SUPT5H: variants seen among roughly 807,000 people sequenced by gnomAD.
The protein encoded by SUPT5H is transcription elongation factor SPT5.
SUPT5H carries 24 observed loss-of-function variants against 142.5 expected under a neutral mutation model. The ratio of observed to expected loss-of-function variants is 0.17; its 90% confidence interval spans 0.12 to 0.24. SUPT5H has a LOEUF of 0.24. SUPT5H is among the 10% of genes least tolerant of loss of function. The pLI, the probability that SUPT5H is intolerant of heterozygous loss-of-function variation, is 1.00. For synonymous variants in SUPT5H, 546 were observed against 553.0 expected, an observed-to-expected ratio of 0.99 and a Z score of 0.18; for missense variants, 893 against 1,471.8, an observed-to-expected ratio of 0.61 and a Z score of 6.43.
chr19:39,469,375 A>G lies in SUPT5H; in HGVS notation c.1351A>G (p.Met451Val). The stretch of plus-strand genomic sequence containing the variant: ...CGTGGATGGCAACAAGATCACCATC[A>G]TGCCCAAGCATGAGGACCTCAAGGT... The part of the protein sequence containing the change: ...LSVDGNKITI[M>V]PKHEDLKDML... Residue 451 changes from methionine (M) to valine (V), a missense_variant, in exon 16 of 30, where the codon ATG becomes GTG. Coordinates refer to ENST00000432763, the MANE Select transcript of SUPT5H (RefSeq NM_001111020.3). This position sits in a 1 kb window ranked among gnomAD's most constrained non-coding sequence, Gnocchi z 5.1. 1.2e-6 allele frequency: 2 copies of G among 1,614,252 alleles called. No individual in the cohort carries two copies. The highest frequency in any genetic ancestry group is 1.7e-6 in the Non-Finnish European group (2 of 1,180,042).
intron 13 of SUPT5H, 66 bp from the exon 14 acceptor site, chr19:39,468,690 C>T: frequency 6.9e-7 from 1 of 1,441,914 alleles, no homozygotes. Flanking sequence ...GCTGAGAAGA[C>T]TGAGGTACAG....
intron 3 of SUPT5H, among the ~76,000 whole-genome samples, chr19:39,455,034 A>C (rs2079069631): frequency 6.6e-6 from 1 of 152,220 alleles, no homozygotes; most frequent in African/African-American, 2.4e-5. Flanking sequence ...GTTCCTCTTT[A>C]GAATTTACTT....
Position 39,472,706 on chromosome 19 carries a change from T to C in SUPT5H, c.2036-104T>C. 1 of 1,492,100 alleles carries C rather than the reference T, an allele frequency of 6.7e-7. No homozygotes were observed. The highest frequency in any genetic ancestry group is 9.0e-7 in the Non-Finnish European group (1 of 1,116,482). The allele number at this position is 1,492,100 out of a possible 1,614,324, so 92.4% of individuals were successfully genotyped here. On this transcript the variant is annotated intron_variant, in intron 21 of 29. Coordinates refer to ENST00000432763, the MANE Select transcript of SUPT5H (RefSeq NM_001111020.3). This position sits in a 1 kb window ranked among gnomAD's most constrained non-coding sequence, Gnocchi z 4.2. ...GGCAGGGGTGGGCAGAGGAGGCTCT[T>C]AACCCAAGTAGGGAGGAGTCAAGCA... is the stretch of plus-strand genomic sequence containing the variant.
At position 39,473,256 on chromosome 19, in the gene SUPT5H, ATGGCTCCCAGACGCCCATGTATGGCTC is replaced by A. The variant is rs777260272; in HGVS notation, c.2321_2347del (p.Gln774_Ser782del). 1 of 1,613,656 alleles carries A rather than the reference ATGGCTCCCAGACGCCCATGTATGGCTC, an allele frequency of 6.2e-7. No individual in the cohort carries two copies. Among genetic ancestry groups the A allele is most frequent in the East Asian group, 2.2e-5 (1 of 44,844 alleles). On this transcript the variant is annotated inframe_deletion, in exon 24 of 30. Transcript: ENST00000432763. This position sits in a 1 kb window ranked among gnomAD's most constrained non-coding sequence, Gnocchi z 5.8. ...TCGACCTATGGGAGGACGCCCATGT[ATGGCTCCCAGACGCCCATGTATGGCTC>A]TGGCTCCCGAACACCCATGTACGGC...
chr19:39,463,006 A>AT (rs34217986), intron 10 of SUPT5H, among the ~76,000 whole-genome samples: 21,446 of 102,946 alleles, frequency 0.21, 2,598 homozygotes, highest in Middle Eastern at 0.24. Flanking sequence ...TGCCCAGCTA[A>AT]TTTTTTTTTT....
intron 10 of SUPT5H, among the ~76,000 whole-genome samples, chr19:39,461,337 T>C (rs1201981970): frequency 1.3e-5 from 2 of 151,870 alleles, no homozygotes; most frequent in African/African-American, 4.8e-5. Flanking sequence ...TAGTAATAAG[T>C]GTCCCTGCCT....
chr19:39,445,871 T>G lies in SUPT5H; in HGVS notation c.-20T>G, dbSNP rs762341241. The G allele has an allele frequency of 6.2e-7, 1 of 1,612,466 alleles. No individual in the cohort carries two copies. Among genetic ancestry groups the G allele is most frequent in the African/African-American group, 1.3e-5 (1 of 74,930 alleles). On this transcript the variant is annotated 5_prime_UTR_variant, in exon 2 of 30. Transcript: ENST00000432763. ...TGTGGGACGCGCCAAGGCTGCTGTC[T>G]TTCCCAGCAGCAGCGGAAGATGTCG...
rs777962396 is a variant in SUPT5H at position 39,472,938 on chromosome 19, C to T, written c.2155+9C>T. 7 of 1,612,328 alleles carry T rather than the reference C, an allele frequency of 4.3e-6. No homozygotes were observed. Among genetic ancestry groups the T allele is most frequent in the South Asian group, 3.3e-5 (3 of 90,944 alleles). On this transcript the variant is annotated intron_variant, in intron 22 of 29. Transcript: ENST00000432763. The surrounding 1 kb of genome is among the most constrained non-coding windows in gnomAD (Gnocchi z 4.2). ...CCAGGGGCCCTACAAAGGTGACCTG[C>T]GAGGCCTGTGGAGGCCTGGGGAGGG... is the stretch of plus-strand genomic sequence containing the variant.
intron 3 of SUPT5H, among the ~76,000 whole-genome samples, chr19:39,454,595 C>T (rs550789167): frequency 1.3e-5 from 2 of 152,244 alleles, no homozygotes; most frequent in South Asian, 4.1e-4. Flanking sequence ...CCGCCCTGGC[C>T]TCCCAAAGTG....
At position 39,453,386 on chromosome 19, in the gene SUPT5H, A is replaced by G. The variant is rs1037358573; in HGVS notation, c.106A>G (p.Ser36Gly). ...CGAAGAGCGGCGGAGTGCAGCGGGC[A>G]GTGAGAAAGAAGAAGAGCCTGAGGA... ...VDEERRSAAGSEKEEEPEDEE... is the reference protein window; with the variant it reads ...VDEERRSAAGGEKEEEPEDEE... The change falls in exon 3 of 30, where the codon AGT becomes GGT. Residue 36 changes from serine to glycine, a missense_variant. Coordinates refer to ENST00000432763, the MANE Select transcript of SUPT5H (RefSeq NM_001111020.3). 6.2e-7 allele frequency: 1 copy of G among 1,604,050 alleles called. No individual in the cohort carries two copies. The highest frequency in any genetic ancestry group is 2.2e-5 in the East Asian group (1 of 44,536).
intron 13 of SUPT5H, chr19:39,467,959 C>A (rs562855366): frequency 6.6e-6 from 1 of 152,286 alleles, no homozygotes; most frequent in Non-Finnish European, 1.5e-5. Flanking sequence ...TCCCTTACCC[C>A]CCAGCAAGCC....
At position 39,459,051 on chromosome 19, in the gene SUPT5H, G is replaced by T; in HGVS notation, c.436G>T (p.Ala146Ser). The T allele has an allele frequency of 6.2e-7, 1 of 1,614,000 alleles. No individual in the cohort carries two copies. Among genetic ancestry groups the T allele is most frequent in the Non-Finnish European group, 8.5e-7 (1 of 1,180,000 alleles). ...ELGEYYMKKY[A>S]KSSVGETVYG... ...GGGCGAGTATTACATGAAGAAATAC[G>T]CCAAGTCATCTGTGGGAGAGACGTA... is the stretch of plus-strand genomic sequence containing the variant. The change falls in exon 7 of 30, where the codon GCC (alanine) becomes TCC (serine). Residue 146 changes from alanine (A) to serine (S), a missense_variant. Ala to Ser is a moderately conservative substitution (Grantham distance 99). Coordinates refer to ENST00000432763, the MANE Select transcript of SUPT5H (RefSeq NM_001111020.3).
Position 39,458,434 on chromosome 19 carries a change from T to C in SUPT5H, c.319+129T>C, listed in dbSNP as rs1872985312. The C allele has an allele frequency of 1.3e-6, 2 of 1,502,048 alleles. No homozygotes were observed. The highest frequency in any genetic ancestry group is 2.0e-5 in the Admixed American group (1 of 50,372). The allele number at this position is 1,502,048 out of a possible 1,614,324, so 93.0% of individuals were successfully genotyped here. On this transcript the variant is annotated intron_variant, in intron 5 of 29. Transcript: ENST00000432763. The surrounding 1 kb of genome is among the most constrained non-coding windows in gnomAD (Gnocchi z 4.2). Reference sequence around the variant, plus strand: ...GTCTGGCCCTGAGGGCTCTGACCCATGTAGGATCCAGAGTCAGGGAGTTCT... The same window carrying C: ...GTCTGGCCCTGAGGGCTCTGACCCACGTAGGATCCAGAGTCAGGGAGTTCT...
At chr19:39,475,295 G>A (rs538581081) in intron 28 of SUPT5H, 1 of 152,518 alleles carries the variant, frequency 6.6e-6, no homozygotes, top group East Asian at 1.9e-4. Flanking sequence ...TACTTGGGAG[G>A]CTGAGGCAGG....
Position 39,470,631 on chromosome 19 carries a change from A to G in SUPT5H, c.1677+108A>G. The G allele has an allele frequency of 1.4e-5, 18 of 1,290,858 alleles. No individual in the cohort carries two copies. Among genetic ancestry groups the G allele is most frequent in the Non-Finnish European group, 1.9e-5 (18 of 963,780 alleles). 80.0% of individuals were successfully genotyped at this position (1,290,858 alleles called of 1,614,324 possible). ...GCCCCCAGACTGCTCTGGGTTGCAG[A>G]TCTGGCTCTGTCACTTACATCTGAA... On this transcript the variant is annotated intron_variant, in intron 18 of 29. Transcript: ENST00000432763. This position sits in a 1 kb window ranked among gnomAD's most constrained non-coding sequence, Gnocchi z 5.8.
chr19:39,473,128 C>T lies in SUPT5H; in HGVS notation c.2258+14C>T, dbSNP rs770324584. The T allele has an allele frequency of 3.1e-6, 5 of 1,612,436 alleles. No individual in the cohort carries two copies. The East Asian group carries it at 8.9e-5, about 29-fold the overall frequency. ...GCTCACCACGGTGTACGGGCGGGGCCTGGGGAGGGCCAGGGTGGGGCTTGC... is the reference window on the plus strand; with the variant it reads ...GCTCACCACGGTGTACGGGCGGGGCTTGGGGAGGGCCAGGGTGGGGCTTGC... On this transcript the variant is annotated intron_variant, in intron 23 of 29. Transcript: ENST00000432763. This position sits in a 1 kb window ranked among gnomAD's most constrained non-coding sequence, Gnocchi z 5.8.
rs767037692 is a variant in SUPT5H, at chr19:39,458,267, A to T, written c.308-27A>T. The stretch of plus-strand genomic sequence containing the variant: ...CACCACCACCACCACCACCACCACC[A>T]CCACCACCTCCTCTTCCTCCAAGTA... On this transcript the variant is annotated intron_variant, in intron 4 of 29. Transcript: ENST00000432763. The surrounding 1 kb of genome is among the most constrained non-coding windows in gnomAD (Gnocchi z 4.2). The T allele has an allele frequency of 5.1e-6, 4 of 790,422 alleles. No homozygotes were observed. The highest frequency in any genetic ancestry group is 4.4e-5 in the Admixed American group (2 of 45,938). 49.0% of individuals were successfully genotyped at this position (790,422 alleles called of 1,614,324 possible). A position where few individuals can be genotyped will look rare whatever the true frequency, so the allele number is the denominator to read the frequency against.
At chr19:39,468,626 G>T in intron 13 of SUPT5H, 130 bp from the exon 14 acceptor site, 1 of 732,098 alleles carries the variant, frequency 1.4e-6, no homozygotes, top group South Asian at 1.7e-5. Context: ...CCAAGAGGGT[G>T]TGTGCTGGGA....
chr19:39,472,735 G>A lies in SUPT5H; in HGVS notation c.2036-75G>A. 3 of 1,539,394 alleles carry A rather than the reference G, an allele frequency of 1.9e-6. No homozygotes were observed. The highest frequency in any genetic ancestry group is 2.6e-6 in the Non-Finnish European group (3 of 1,140,552). ...CCAAGTAGGGAGGAGTCAAGCAAGTGAAGGGGACGTTCTGATGGTGCCCTT... is the reference window on the plus strand; with the variant it reads ...CCAAGTAGGGAGGAGTCAAGCAAGTAAAGGGGACGTTCTGATGGTGCCCTT... On this transcript the variant is annotated intron_variant, in intron 21 of 29. Transcript: ENST00000432763. The surrounding 1 kb of genome is among the most constrained non-coding windows in gnomAD (Gnocchi z 4.2).
Sources: allele counts gnomAD v4.1 joint callset (sites outside exome capture counted in the v4.1 genomes callset), GRCh38; gene constraint gnomAD v4.1.1; non-coding constraint Gnocchi (gnomAD v3.1); transcripts MANE v1.5; gene names NCBI Gene and HGNC (gene_info 2026-07-23, HGNC 2026-07-21).